FGD4: variants seen among roughly 807,000 people sequenced by gnomAD.
FGD4 encodes FYVE, RhoGEF and PH domain-containing protein 4.
In FGD4, 42 loss-of-function variants were observed where a neutral mutation model predicts 102.0. The observed-to-expected ratio is 0.41, with a 90% CI of 0.32 to 0.53. The LOEUF (loss-of-function observed/expected upper bound fraction) is 0.53. Among genes scored for constraint, FGD4 ranks in the 20% least tolerant of loss-of-function variants. The probability of loss-of-function intolerance (pLI) is 0.21; values close to 1 mark genes in which losing one functional copy is unlikely to be tolerated. For missense variants in FGD4, 902 were observed against 1,078.2 expected, an observed-to-expected ratio of 0.84 and a Z score of 2.29; for synonymous variants, 380 against 375.7, an observed-to-expected ratio of 1.01 and a Z score of -0.13.
intron 1 of FGD4, among the ~76,000 whole-genome samples, chr12:32,484,227 A>ATGTTAG (rs1483300659): frequency 6.6e-6 from 1 of 152,130 alleles, no homozygotes; most frequent in Non-Finnish European, 1.5e-5. Context: ...AGACTTTATG[A>ATGTTAG]TGTTAGTGTG....
chr12:32,485,598 G>C (rs1399421392), intron 1 of FGD4, among the ~76,000 whole-genome samples: 2 of 151,510 alleles, frequency 1.3e-5, no homozygotes, highest in Non-Finnish European at 1.5e-5. Context: ...CTGCCACCAC[G>C]CCTGGCTAAT....
intron 1 of FGD4, chr12:32,501,945 G>A (rs1277591259): frequency 2.7e-6 from 2 of 738,110 alleles, no homozygotes; most frequent in Non-Finnish European, 3.3e-6. Flanking sequence ...GCTTTTAGTT[G>A]GGCTGCACTG....
At chr12:32,496,215 T>C (rs937887445) in intron 1 of FGD4, among the ~76,000 whole-genome samples, 1 of 152,232 alleles carries the variant, frequency 6.6e-6, no homozygotes, top group South Asian at 2.1e-4. Context: ...TTTGGTCCTT[T>C]AGGATATTTT....
chr12:32,590,539 A>G (rs939116702), intron 4 of FGD4, among the ~76,000 whole-genome samples: 1 of 152,136 alleles, frequency 6.6e-6, no homozygotes, highest in Non-Finnish European at 1.5e-5. Flanking sequence ...CCCCAAATCC[A>G]GAGGGATTTC....
rs765670555 is a variant in FGD4, at chr12:32,641,305, G to A, written c.*772G>A. The A allele has an allele frequency of 3.4e-4, 52 of 152,068 alleles. No individual in the cohort carries two copies. The highest frequency in any genetic ancestry group is 6.0e-4 in the Non-Finnish European group (41 of 68,016). The allele number at this position is 152,068 out of a possible 1,614,324, so 9.4% of individuals were successfully genotyped here. On this transcript the variant is annotated 3_prime_UTR_variant, in exon 17 of 17. Coordinates refer to ENST00000534526, the MANE Select transcript of FGD4 (RefSeq NM_001370298.3). The stretch of plus-strand genomic sequence containing the variant: ...ATGTTTTGCTGATTGGCATTTGAGG[G>A]TATTGATATTTTTATAATAAGCGGT...
rs116687564 is a variant in FGD4, at chr12:32,542,494, A to G, written c.167-21643A>G. ...TTTAGCAGCCTCCTTGTGAAAACTT[A>G]TGAAATATTAGGCAGTTTGATTTTC... On this transcript the variant is annotated intron_variant, in intron 1 of 16. Coordinates refer to ENST00000534526, the MANE Select transcript of FGD4 (RefSeq NM_001370298.3). Among the ~76,000 whole-genome samples the G allele has an allele frequency of 3.9e-3, 596 of 152,338 alleles. 7 individuals carry two copies. The highest frequency in any genetic ancestry group is 0.014 in the African/African-American group (567 of 41,584).
At chr12:32,516,645 C>G (rs1939924149) in intron 1 of FGD4, among the ~76,000 whole-genome samples, 1 of 152,164 alleles carries the variant, frequency 6.6e-6, no homozygotes, top group Non-Finnish European at 1.5e-5. Context: ...TCTGTTGGCA[C>G]TTTTGGCATA....
intron 1 of FGD4, among the ~76,000 whole-genome samples, chr12:32,560,985 T>C (rs11052069): frequency 0.49 from 74,198 of 151,388 alleles, 18,768 homozygotes; most frequent in South Asian, 0.6. Context: ...CTTGGAACTC[T>C]TGATATTTTC....
intron 1 of FGD4, among the ~76,000 whole-genome samples, chr12:32,449,145 A>G (rs12367135): frequency 0.11 from 16,832 of 152,212 alleles, 995 homozygotes; most frequent in Middle Eastern, 0.26. Flanking sequence ...TAATTGATTT[A>G]ATAGTAAGTT....
At chr12:32,422,199 C>G (rs1941655337) in intron 1 of FGD4, among the ~76,000 whole-genome samples, 1 of 148,796 alleles carries the variant, frequency 6.7e-6, no homozygotes. Context: ...TGGAATATTG[C>G]TGTTACTGTT....
intron 1 of FGD4, among the ~76,000 whole-genome samples, chr12:32,527,293 GGGTGTCTATCAGGGAGCCTA>G (rs1329162143): frequency 2.6e-5 from 4 of 152,210 alleles, no homozygotes; most frequent in Non-Finnish European, 5.9e-5. Flanking sequence ...ACACGTCGAA[GGGTGTCTATCAGGGAGCCTA>G]GCCTGTGGAA....
chr12:32,530,777 G>T (rs751839719), intron 1 of FGD4, among the ~76,000 whole-genome samples: 1 of 151,904 alleles, frequency 6.6e-6, no homozygotes, highest in African/African-American at 2.4e-5. Context: ...AATGTATGGG[G>T]AATTAATTAG....
At chr12:32,620,093 A>C (rs1949715569) in intron 11 of FGD4, among the ~76,000 whole-genome samples, 2 of 152,186 alleles carry the variant, frequency 1.3e-5, no homozygotes. Flanking sequence ...GACAATAAGC[A>C]TTCAGTAAAT....
At chr12:32,563,786 G>C (rs1944923655) in intron 1 of FGD4, among the ~76,000 whole-genome samples, 1 of 152,192 alleles carries the variant, frequency 6.6e-6, no homozygotes, top group Admixed American at 6.5e-5. Flanking sequence ...ATCACTCGCG[G>C]TTAGGAGCTG....
chr12:32,526,151 A>G (rs932200795), intron 1 of FGD4, among the ~76,000 whole-genome samples: 40 of 152,242 alleles, frequency 2.6e-4, no homozygotes, highest in African/African-American at 5.5e-4. Context: ...TGGTGGGGAC[A>G]TGGAGAGTCT....
chr12:32,473,519 G>T lies in FGD4; in HGVS notation c.166+73560G>T, dbSNP rs61576438. 2.2e-3 allele frequency among the ~76,000 whole-genome samples: 341 copies of T among 151,974 alleles called. 1 individual carries two copies. The highest frequency in any genetic ancestry group is 7.8e-3 in the African/African-American group (321 of 41,412). On this transcript the variant is annotated intron_variant, in intron 1 of 16. Coordinates refer to ENST00000534526, the MANE Select transcript of FGD4 (RefSeq NM_001370298.3). ...GAGACCACGAACCCACCAGAAGGAA[G>T]AAACTCCGAACACATCTGAACATCA...
chr12:32,565,023 A>G (rs1945069053), intron 2 of FGD4, among the ~76,000 whole-genome samples: 1 of 152,228 alleles, frequency 6.6e-6, no homozygotes, highest in African/African-American at 2.4e-5. Flanking sequence ...ATTTATAGTG[A>G]ATGCTAAACA....
intron 14 of FGD4, among the ~76,000 whole-genome samples, chr12:32,630,119 A>G (rs1293160191): frequency 1.3e-5 from 2 of 152,070 alleles, no homozygotes; most frequent in Non-Finnish European, 2.9e-5. Flanking sequence ...CACCATTACA[A>G]TTTCAGCTTA....
intron 1 of FGD4, among the ~76,000 whole-genome samples, chr12:32,406,477 C>T (rs566033691): frequency 7.3e-5 from 11 of 151,620 alleles, no homozygotes; most frequent in African/African-American, 1.5e-4. Context: ...TCGCTTGAAC[C>T]GAGGGAGCAG....
Sources: allele counts gnomAD v4.1 joint callset (sites outside exome capture counted in the v4.1 genomes callset), GRCh38; gene constraint gnomAD v4.1.1; transcripts MANE v1.5; gene names NCBI Gene and HGNC (gene_info 2026-07-23, HGNC 2026-07-21).